VAV2: variants seen among roughly 807,000 people sequenced by gnomAD.
The protein encoded by VAV2 is vav guanine nucleotide exchange factor 2.
A neutral mutation model predicts 132.5 loss-of-function variants in VAV2; 67 were observed. The ratio of observed to expected loss-of-function variants is 0.51; its 90% CI spans 0.42 to 0.62. The LOEUF is 0.62. Among genes scored for constraint, VAV2 ranks in the 20% least tolerant of loss-of-function variants. The pLI, the probability that VAV2 is intolerant of heterozygous loss-of-function variation, is 0.00. For missense variants in VAV2, 938 were observed against 1,153.6 expected, an observed-to-expected ratio of 0.81 and a Z score of 2.71; for synonymous variants, 492 against 443.5, an observed-to-expected ratio of 1.11 and a Z score of -1.37.
At chr9:133,859,624 A>AAAAACAAAAC (rs987057724) in intron 3 of VAV2, among the ~76,000 whole-genome samples, 1 of 152,090 alleles carries the variant, frequency 6.6e-6, no homozygotes, top group African/African-American at 2.4e-5. Context: ...AATATGTAAA[A>AAAAACAAAAC]AAAACAAAAC....
At position 133,764,061 on chromosome 9, in the gene VAV2, G is replaced by T. The variant is rs145903019; in HGVS notation, c.*1C>A. ...TGCGAGTCTTGTCCACGTTCCTGCC[G>T]TCACTGGATGCCCTCCTCTTCTACG... On this transcript the variant is annotated 3_prime_UTR_variant, in exon 30 of 30. Transcript: ENST00000371850. 6.2e-7 allele frequency: 1 copy of T among 1,613,984 alleles called. No homozygotes were observed. Among genetic ancestry groups the T allele is most frequent in the Admixed American group, 1.7e-5 (1 of 60,006 alleles).
rs1203186084 is a variant in VAV2, at chr9:133,763,831, A to C, written c.*231T>G. On this transcript the variant is annotated 3_prime_UTR_variant, in exon 30 of 30. Coordinates refer to ENST00000371850, the MANE Select transcript of VAV2 (RefSeq NM_001134398.2). The surrounding 1 kb of genome is among the most constrained non-coding windows in gnomAD (Gnocchi z 6.8). ...CCTCCTCTGCGCTCTGGGTGGGGCT[A>C]GCCCAGGTTTCCTCTATGTACAATA... 7.2e-6 allele frequency: 4 copies of C among 552,344 alleles called. No individual in the cohort carries two copies. The highest frequency in any genetic ancestry group is 1.3e-5 in the Non-Finnish European group (4 of 308,732). The allele number at this position is 552,344 out of a possible 1,614,324, so 34.2% of individuals were successfully genotyped here.
intron 16 of VAV2, among the ~76,000 whole-genome samples, chr9:133,786,264 GCACA>G (rs772187650): frequency 6.6e-6 from 1 of 152,240 alleles, no homozygotes; most frequent in Non-Finnish European, 1.5e-5. Flanking sequence ...GTGAGCATGT[GCACA>G]CACACACTTG....
At chr9:133,878,065 G>C (rs962199621) in intron 2 of VAV2, among the ~76,000 whole-genome samples, 1 of 152,170 alleles carries the variant, frequency 6.6e-6, no homozygotes, top group Non-Finnish European at 1.5e-5. Context: ...GGTGAAGGAG[G>C]GTGTGGGGCC....
chr9:133,907,236 A>G (rs77162303), intron 2 of VAV2, among the ~76,000 whole-genome samples: 9,111 of 152,202 alleles, frequency 0.06, 811 homozygotes, highest in African/African-American at 0.19. Context: ...CGCTCCCTAC[A>G]GACCATCGAA....
At chr9:133,987,862 A>G (rs1255250382) in intron 1 of VAV2, among the ~76,000 whole-genome samples, 1 of 152,250 alleles carries the variant, frequency 6.6e-6, no homozygotes, top group African/African-American at 2.4e-5. Flanking sequence ...ATAAAAAACA[A>G]AATAAAATAA....
At position 133,764,019 on chromosome 9, in the gene VAV2, ACT is replaced by A; in HGVS notation, c.*41_*42del. 2 of 1,611,068 alleles carry A rather than the reference ACT, an allele frequency of 1.2e-6. No homozygotes were observed. Among genetic ancestry groups the A allele is most frequent in the Non-Finnish European group, 1.7e-6 (2 of 1,178,172 alleles). ...AGAGACAGACTTCAGGGCTGGAGTGACTCTCCCAAGAAAATCTGCGAGTCTTG... is the reference window on the plus strand; with the variant it reads ...AGAGACAGACTTCAGGGCTGGAGTGACTCCCAAGAAAATCTGCGAGTCTTG... On this transcript the variant is annotated 3_prime_UTR_variant, in exon 30 of 30. Transcript: ENST00000371850.
chr9:133,846,138 C>T (rs552165945), intron 3 of VAV2, among the ~76,000 whole-genome samples: 196 of 152,354 alleles, frequency 1.3e-3, no homozygotes, highest in African/African-American at 4.5e-3. Context: ...CCAAAGAAGA[C>T]ACTGAGGCCC....
At position 133,884,270 on chromosome 9, in the gene VAV2, A is replaced by G. The variant is rs1038024298; in HGVS notation, c.322-22838T>C. ...CCACCTAGATGAGCAGCACGGGAGCACACTGAATGAACATGTGATCATTAC... is the reference window on the plus strand; with the variant it reads ...CCACCTAGATGAGCAGCACGGGAGCGCACTGAATGAACATGTGATCATTAC... On this transcript the variant is annotated intron_variant, in intron 2 of 29. Transcript: ENST00000371850. The surrounding 1 kb of genome is among the most constrained non-coding windows in gnomAD (Gnocchi z 5.3). Among the ~76,000 whole-genome samples, 27 of 152,186 alleles carry G rather than the reference A, an allele frequency of 1.8e-4. No individual in the cohort carries two copies. The highest frequency in any genetic ancestry group is 5.9e-5 in the Non-Finnish European group (4 of 68,030).
chr9:133,871,440 T>G (rs10821531), intron 2 of VAV2, among the ~76,000 whole-genome samples: 27,609 of 138,166 alleles, frequency 0.2, 3,430 homozygotes, highest in African/African-American at 0.38. Flanking sequence ...ATGGATTGAT[T>G]GATGGATGGA....
At chr9:133,805,740 C>T (rs1228182011) in intron 9 of VAV2, among the ~76,000 whole-genome samples, 1 of 152,214 alleles carries the variant, frequency 6.6e-6, no homozygotes, top group East Asian at 1.9e-4. Context: ...TTTAAAGAAC[C>T]GGCCACAAGG....
At chr9:133,934,002 G>A (rs1295054217) in intron 2 of VAV2, among the ~76,000 whole-genome samples, 1 of 150,062 alleles carries the variant, frequency 6.7e-6, no homozygotes, top group African/African-American at 2.5e-5. Flanking sequence ...GTGGGTAGAT[G>A]GATGGATGGA....
rs1833322108 is a variant in VAV2 at position 133,763,277 on chromosome 9, G to C, written c.*785C>G. On this transcript the variant is annotated 3_prime_UTR_variant, in exon 30 of 30. Coordinates refer to ENST00000371850, the MANE Select transcript of VAV2 (RefSeq NM_001134398.2). This position sits in a 1 kb window ranked among gnomAD's most constrained non-coding sequence, Gnocchi z 6.8. ...TGTACTGATCTGGCAGCGCGGCCAG[G>C]CAGACACCTTCCCAGGACTCCAGAA... The C allele has an allele frequency of 6.6e-6, 1 of 152,218 alleles. No individual in the cohort carries two copies. Among genetic ancestry groups the C allele is most frequent in the African/African-American group, 2.4e-5 (1 of 41,430 alleles). 9.4% of individuals were successfully genotyped at this position (152,218 alleles called of 1,614,324 possible).
chr9:133,789,678 C>T (rs1405293489), intron 13 of VAV2, among the ~76,000 whole-genome samples: 1 of 149,844 alleles, frequency 6.7e-6, no homozygotes, highest in African/African-American at 2.4e-5. Context: ...GGGACCCGGT[C>T]GGAAAAGCCA....
chr9:133,792,412 T>C (rs939894255), intron 12 of VAV2, among the ~76,000 whole-genome samples: 24 of 138,520 alleles, frequency 1.7e-4, no homozygotes, highest in African/African-American at 6.3e-4. Context: ...GTATGAGTGA[T>C]TGTGTGAGAA....
chr9:133,776,807 G>C (rs1833832412), intron 23 of VAV2, among the ~76,000 whole-genome samples: 1 of 152,160 alleles, frequency 6.6e-6, no homozygotes, highest in Non-Finnish European at 1.5e-5. Context: ...AGTGGGGTTG[G>C]GAACCCACCC....
In VAV2 at chr9:133,964,541, A is replaced by ACT. The variant is rs10634807; in HGVS notation, c.205-25323_205-25322insAG. ...CACAACATAAAAATTATAGGCCAAT[A>ACT]CCCTAACGAACATAGATGCAAAAAT... On this transcript the variant is annotated intron_variant, in intron 1 of 29. Coordinates refer to ENST00000371850, the MANE Select transcript of VAV2 (RefSeq NM_001134398.2). Among the ~76,000 whole-genome samples, 903 of 152,256 alleles carry ACT rather than the reference A, an allele frequency of 5.9e-3. 5 individuals carry two copies. Among genetic ancestry groups the ACT allele is most frequent in the African/African-American group, 0.021 (858 of 41,528 alleles).
intron 3 of VAV2, among the ~76,000 whole-genome samples, chr9:133,856,546 A>C (rs10993828): frequency 0.13 from 20,470 of 151,862 alleles, 1,648 homozygotes; most frequent in Non-Finnish European, 0.18. Context: ...GGGCCTTCAG[A>C]CAGCCTCCCA....
chr9:133,769,150 G>A lies in VAV2; in HGVS notation c.2434+267C>T, dbSNP rs900393660. On this transcript the variant is annotated intron_variant, in intron 28 of 29. Transcript: ENST00000371850. This position sits in a 1 kb window ranked among gnomAD's most constrained non-coding sequence, Gnocchi z 8.1. ...TGAACAAGGAGGAATGACAGTGGAC[G>A]GGGCTGGGAAAGTGGCCATCAGGGT... Among the ~76,000 whole-genome samples, 8 of 152,240 alleles carry A rather than the reference G, an allele frequency of 5.3e-5. No individual in the cohort carries two copies. Among genetic ancestry groups the A allele is most frequent in the African/African-American group, 1.4e-4 (6 of 41,460 alleles).
Sources: allele counts gnomAD v4.1 joint callset (sites outside exome capture counted in the v4.1 genomes callset), GRCh38; gene constraint gnomAD v4.1.1; non-coding constraint Gnocchi (gnomAD v3.1); transcripts MANE v1.5; gene names NCBI Gene and HGNC (gene_info 2026-07-23, HGNC 2026-07-21).